The following SMARCC1 variants were observed in gnomAD, a reference collection of about 807,000 sequenced individuals.
The protein encoded by SMARCC1 is SWI/SNF related BAF chromatin remodeling complex subunit C1, also known as SWI/SNF complex subunit SMARCC1.
SMARCC1 carries 43 observed loss-of-function variants against 147.4 expected under a neutral mutation model. The observed-to-expected ratio is 0.29, with a 90% CI of 0.23 to 0.38. SMARCC1 has a LOEUF of 0.38. SMARCC1 is among the 10% of genes least tolerant of loss of function. The pLI is 1.00. For synonymous variants in SMARCC1, 495 were observed against 484.4 expected, an observed-to-expected ratio of 1.02 and a Z score of -0.29; for missense variants, 1,119 against 1,381.1, an observed-to-expected ratio of 0.81 and a Z score of 3.01.
intron 21 of SMARCC1, among the ~76,000 whole-genome samples, chr3:47,656,008 C>T (rs1225449615): frequency 4.6e-5 from 7 of 151,660 alleles, no homozygotes; most frequent in Admixed American, 1.3e-4. Context: ...GTCAGGAGTT[C>T]GAGACCAGCC....
intron 3 of SMARCC1, among the ~76,000 whole-genome samples, chr3:47,744,995 C>T (rs896860160): frequency 1.3e-5 from 2 of 152,138 alleles, no homozygotes; most frequent in African/African-American, 4.8e-5. Context: ...TGGCCAGGCA[C>T]GGTGGCTCAC....
At chr3:47,695,591 A>T (rs1193336605) in intron 11 of SMARCC1, among the ~76,000 whole-genome samples, 1 of 151,616 alleles carries the variant, frequency 6.6e-6, no homozygotes, top group Non-Finnish European at 1.5e-5. Context: ...ACGTGGTGAA[A>T]CCCTGTCTCT....
chr3:47,774,077 G>T (rs2034946360), intron 1 of SMARCC1, among the ~76,000 whole-genome samples: 1 of 151,948 alleles, frequency 6.6e-6, no homozygotes, highest in African/African-American at 2.4e-5. Flanking sequence ...GGTTAATGTG[G>T]TATGTCTCTA....
At chr3:47,590,576 G>C (rs918172321) in intron 27 of SMARCC1, 85 bp downstream of exon 27, 42 of 1,212,342 alleles carry the variant, frequency 3.5e-5, no homozygotes, top group Non-Finnish European at 4.4e-5. Context: ...GCCAAATCTC[G>C]GGGAGAGAAC....
chr3:47,728,647 C>T lies in SMARCC1; in HGVS notation c.646+378G>A, dbSNP rs539051753. ...GTTGGCTGGGCGCAGTGGCTCACAC[C>T]TGTAAACCCAGCACTTTGGGAGGCC... is the stretch of plus-strand genomic sequence containing the variant. On this transcript the variant is annotated intron_variant, in intron 6 of 27. Coordinates refer to ENST00000254480, the MANE Select transcript of SMARCC1 (RefSeq NM_003074.4). Among the ~76,000 whole-genome samples, 9 of 152,248 alleles carry T rather than the reference C, an allele frequency of 5.9e-5. No individual in the cohort carries two copies. The East Asian group carries it at 1.2e-3, about 20-fold the overall frequency.
chr3:47,657,958 A>T (rs936505187), intron 21 of SMARCC1, among the ~76,000 whole-genome samples: 5 of 152,076 alleles, frequency 3.3e-5, no homozygotes, highest in African/African-American at 1.2e-4. Flanking sequence ...CTCAAATAAC[A>T]TACTCTACCT....
chr3:47,680,935 T>C (rs2033636946), intron 14 of SMARCC1, among the ~76,000 whole-genome samples: 2 of 152,186 alleles, frequency 1.3e-5, no homozygotes, highest in Admixed American at 1.3e-4. Flanking sequence ...CCAAAATTAA[T>C]TGGCTTACAC....
At chr3:47,740,278 C>T (rs1314943386) in intron 3 of SMARCC1, among the ~76,000 whole-genome samples, 1 of 145,142 alleles carries the variant, frequency 6.9e-6, no homozygotes, top group Non-Finnish European at 1.5e-5. Flanking sequence ...TTACTGCAAC[C>T]TCCGCCTTCT....
intron 11 of SMARCC1, among the ~76,000 whole-genome samples, chr3:47,699,568 ATATGTATATTGCCC>A (rs2033893492): frequency 6.6e-6 from 1 of 152,052 alleles, no homozygotes; most frequent in South Asian, 2.1e-4. Context: ...CATCTTATAC[ATATGTATATTGCCC>A]TATATGTCTA....
chr3:47,760,658 T>C (rs979674678), intron 2 of SMARCC1, among the ~76,000 whole-genome samples: 2 of 152,150 alleles, frequency 1.3e-5, no homozygotes, highest in Non-Finnish European at 2.9e-5. Flanking sequence ...AGCAAGACTC[T>C]GTCTCAAAAA....
intron 21 of SMARCC1, among the ~76,000 whole-genome samples, chr3:47,660,119 T>C (rs188233169): frequency 9.4e-4 from 143 of 152,088 alleles, no homozygotes; most frequent in African/African-American, 3.3e-3. Context: ...TGTATATAAG[T>C]ACTCATAGCA....
intron 21 of SMARCC1, among the ~76,000 whole-genome samples, chr3:47,658,859 C>T (rs568895573): frequency 6.6e-6 from 1 of 152,262 alleles, no homozygotes; most frequent in African/African-American, 2.4e-5. Flanking sequence ...GTGGCTTACA[C>T]CTGTAATCCC....
intron 19 of SMARCC1, chr3:47,670,377 G>A: frequency 2.6e-6 from 1 of 385,298 alleles, no homozygotes; most frequent in Non-Finnish European, 4.7e-6. Context: ...TTGAGTCCAG[G>A]AGTTTGAGAC....
chr3:47,736,366 G>T lies in SMARCC1; in HGVS notation c.484-240C>A, dbSNP rs183338474. Reference sequence around the variant, plus strand: ...GGTCTAATGTAGTGTTTTTAGCTACGGAAGGGATTACAGTTAATCTTAAAA... The same window carrying T: ...GGTCTAATGTAGTGTTTTTAGCTACTGAAGGGATTACAGTTAATCTTAAAA... On this transcript the variant is annotated intron_variant, in intron 4 of 27. Transcript: ENST00000254480. Among the ~76,000 whole-genome samples the T allele has an allele frequency of 2.0e-3, 304 of 152,160 alleles. 3 individuals are homozygous for T. Among genetic ancestry groups the T allele is most frequent in the African/African-American group, 6.8e-3 (281 of 41,514 alleles).
chr3:47,722,617 CAA>C (rs1487107556), intron 6 of SMARCC1, among the ~76,000 whole-genome samples: 1 of 151,946 alleles, frequency 6.6e-6, no homozygotes, highest in Non-Finnish European at 1.5e-5. Flanking sequence ...TGATTTTTAT[CAA>C]GACAATTTTT....
intron 21 of SMARCC1, among the ~76,000 whole-genome samples, chr3:47,657,254 T>C (rs1432596452): frequency 1.3e-5 from 2 of 152,222 alleles, no homozygotes; most frequent in South Asian, 2.1e-4. Context: ...CCCTATCCAA[T>C]AAGAGCAGAA....
chr3:47,610,046 G>A lies in SMARCC1; in HGVS notation c.3043+20C>T, dbSNP rs41290662. On this transcript the variant is annotated intron_variant, in intron 26 of 27. Transcript: ENST00000254480. ...TGTAGTGACCATAAGCTTTTTCCAA[G>A]AGCAGGGCCTTCCTCTTACCTGGCT... The A allele has an allele frequency of 0.01, 16,720 of 1,610,834 alleles. 107 individuals carry two copies. The highest frequency in any genetic ancestry group is 0.013 in the Non-Finnish European group (15,095 of 1,179,370).
intron 25 of SMARCC1, 75 bp from the exon 26 acceptor site, chr3:47,610,402 C>T (rs887806039): frequency 1.0e-5 from 15 of 1,505,284 alleles, no homozygotes; most frequent in African/African-American, 4.1e-5. Context: ...AGGACAACTA[C>T]ATAATGCCTG....
chr3:47,654,634 C>G (rs1260902404), intron 21 of SMARCC1, among the ~76,000 whole-genome samples: 1 of 152,176 alleles, frequency 6.6e-6, no homozygotes, highest in African/African-American at 2.4e-5. Context: ...GGCATGGCCC[C>G]GATTCCTAGC....
Sources: allele counts gnomAD v4.1 joint callset (sites outside exome capture counted in the v4.1 genomes callset), GRCh38; gene constraint gnomAD v4.1.1; transcripts MANE v1.5; gene names NCBI Gene and HGNC (gene_info 2026-07-23, HGNC 2026-07-21).